Variants in PCCA observed in about 807,000 individuals in gnomAD.
PCCA encodes propionyl-CoA carboxylase subunit alpha.
A neutral mutation model predicts 101.3 loss-of-function variants in PCCA; 74 were observed. That is an observed-to-expected ratio of 0.73 (90% CI 0.61 to 0.89). The LOEUF (loss-of-function observed/expected upper bound fraction) is 0.89, where lower values mean the gene tolerates loss of function less well. PCCA is among the 40% of genes least tolerant of loss of function. The pLI is 0.00. For missense variants in PCCA, 891 were observed against 907.0 expected, an observed-to-expected ratio of 0.98 and a Z score of 0.23; for synonymous variants, 294 against 313.6, an observed-to-expected ratio of 0.94 and a Z score of 0.66.
intron 7 of PCCA, among the ~76,000 whole-genome samples, chr13:100,232,373 T>TGC (rs2152516267): frequency 6.7e-6 from 1 of 150,036 alleles, no homozygotes; most frequent in East Asian, 1.9e-4. Context: ...TGTGTGTGTG[T>TGC]GTGTGTGTGT....
At chr13:100,409,949 G>A (rs913602132) in intron 19 of PCCA, among the ~76,000 whole-genome samples, 7 of 151,448 alleles carry the variant, frequency 4.6e-5, no homozygotes, top group African/African-American at 1.5e-4. Flanking sequence ...TAGTAGAGAC[G>A]GGGTTTCACC....
chr13:100,484,224 T>C (rs1451793312), intron 21 of PCCA, among the ~76,000 whole-genome samples: 2 of 152,168 alleles, frequency 1.3e-5, no homozygotes, highest in Non-Finnish European at 2.9e-5. Context: ...GGTGGTCGTT[T>C]GTGTTTATGA....
intron 7 of PCCA, among the ~76,000 whole-genome samples, chr13:100,230,349 G>T (rs1341341144): frequency 6.6e-6 from 1 of 152,010 alleles, no homozygotes; most frequent in Non-Finnish European, 1.5e-5. Flanking sequence ...TTAGAGATCA[G>T]CCTGGCCAAA....
At chr13:100,117,508 C>T (rs1017410808) in intron 4 of PCCA, among the ~76,000 whole-genome samples, 2 of 151,388 alleles carry the variant, frequency 1.3e-5, no homozygotes, top group Non-Finnish European at 1.5e-5. Flanking sequence ...TCATTCTCAG[C>T]AAACTATCAC....
intron 21 of PCCA, among the ~76,000 whole-genome samples, chr13:100,461,190 A>G (rs1055659803): frequency 6.6e-6 from 1 of 152,258 alleles, no homozygotes; most frequent in African/African-American, 2.4e-5. Context: ...TTGCTACTAT[A>G]GAACAGCAGC....
chr13:100,487,450 A>T (rs990062976), intron 21 of PCCA, among the ~76,000 whole-genome samples: 4 of 152,242 alleles, frequency 2.6e-5, no homozygotes, highest in African/African-American at 7.2e-5. Context: ...TTTACATAGA[A>T]TTCTAAGAAT....
In PCCA at chr13:100,519,083, G is replaced by A. The variant is rs185454854; in HGVS notation, c.2040+3516G>A. Among the ~76,000 whole-genome samples, 433 of 152,280 alleles carry A rather than the reference G, an allele frequency of 2.8e-3. 3 individuals carry two copies. Among genetic ancestry groups the A allele is most frequent in the Admixed American group, 4.2e-3 (65 of 15,302 alleles). On this transcript the variant is annotated intron_variant, in intron 22 of 23. Transcript: ENST00000376285. ...TATCAGAAACAAAACCACCCCATAA[G>A]ATAGTCACCCAAGGAGGCATTTTAA...
At chr13:100,241,783 A>C (rs747896492) in intron 8 of PCCA, among the ~76,000 whole-genome samples, 1 of 152,084 alleles carries the variant, frequency 6.6e-6, no homozygotes, top group Non-Finnish European at 1.5e-5. Context: ...TTATTCATCT[A>C]TTGATGGACA....
At position 100,301,527 on chromosome 13, in the gene PCCA, AG is replaced by A; in HGVS notation, c.1136del (p.Gly379AlafsTer70). On this transcript the variant is annotated frameshift_variant, in exon 13 of 24. Coordinates refer to ENST00000376285, the MANE Select transcript of PCCA (RefSeq NM_000282.4). LOFTEE classifies it high-confidence loss of function. The stretch of plus-strand genomic sequence containing the variant: ...GTCCAGGAAATGATCCGTGTTGCTA[AG>A]GGCTACCCTCTCAGGCACAAACAAG... ...DLVQEMIRVA[K>X]GYPLRHKQAD... 6.2e-7 allele frequency: 1 copy of A among 1,614,064 alleles called. No homozygotes were observed. The highest frequency in any genetic ancestry group is 8.5e-7 in the Non-Finnish European group (1 of 1,179,940).
chr13:100,420,472 C>T (rs773393863), intron 19 of PCCA, among the ~76,000 whole-genome samples: 7 of 151,904 alleles, frequency 4.6e-5, no homozygotes, highest in Non-Finnish European at 7.4e-5. Flanking sequence ...CCCAGCTACA[C>T]GGGAGGCTGA....
chr13:100,448,716 T>G (rs544097031), intron 20 of PCCA, among the ~76,000 whole-genome samples: 14 of 152,374 alleles, frequency 9.2e-5, no homozygotes, highest in African/African-American at 3.4e-4. Context: ...GTTATTTCTT[T>G]CACTACTCTC....
chr13:100,409,225 A>C (rs1022939356), intron 19 of PCCA, among the ~76,000 whole-genome samples: 16 of 152,312 alleles, frequency 1.1e-4, no homozygotes, highest in Admixed American at 3.3e-4. Context: ...CCACCCTCAG[A>C]AATCTCAGGA....
At chr13:100,401,874 AT>A (rs888132448) in intron 19 of PCCA, among the ~76,000 whole-genome samples, 14 of 150,586 alleles carry the variant, frequency 9.3e-5, no homozygotes, top group Non-Finnish European at 1.9e-4. Context: ...TGAATAGATA[AT>A]TTTTTTTTTG....
At chr13:100,140,293 C>T (rs1202625695) in intron 4 of PCCA, among the ~76,000 whole-genome samples, 1 of 152,280 alleles carries the variant, frequency 6.6e-6, no homozygotes, top group African/African-American at 2.4e-5. Context: ...CTTGAGACTG[C>T]AGTTTCACTG....
intron 4 of PCCA, among the ~76,000 whole-genome samples, chr13:100,128,079 G>A (rs547593901): frequency 6.6e-6 from 1 of 152,214 alleles, no homozygotes; most frequent in South Asian, 2.1e-4. Flanking sequence ...TACTGGAAAA[G>A]CACATAATTA....
intron 16 of PCCA, among the ~76,000 whole-genome samples, chr13:100,311,896 C>T (rs757472451): frequency 5.9e-5 from 9 of 152,200 alleles, no homozygotes; most frequent in Admixed American, 4.6e-4. Context: ...ATACTGTGTG[C>T]GGAGGTTATA....
chr13:100,439,564 T>C (rs906832730), intron 20 of PCCA, among the ~76,000 whole-genome samples: 1 of 152,170 alleles, frequency 6.6e-6, no homozygotes, highest in Non-Finnish European at 1.5e-5. Flanking sequence ...GAAGTAATTT[T>C]TTTGACCTTG....
chr13:100,455,848 T>C (rs557153413), intron 21 of PCCA, among the ~76,000 whole-genome samples: 93 of 152,190 alleles, frequency 6.1e-4, no homozygotes, highest in African/African-American at 2.2e-3. Flanking sequence ...TACAGGTGCA[T>C]GCCACCACAC....
intron 1 of PCCA, among the ~76,000 whole-genome samples, chr13:100,094,193 ACTC>A (rs2046549212): frequency 6.7e-6 from 1 of 148,286 alleles, no homozygotes; most frequent in African/African-American, 2.5e-5. Context: ...GCACCACTGC[ACTC>A]CAGCCTGGGC....
Sources: gnomAD v4.1 joint callset for allele counts (sites outside exome capture counted in the v4.1 genomes callset) on GRCh38, gnomAD v4.1.1 for gene constraint, MANE v1.5 for transcripts, NCBI Gene and HGNC (gene_info 2026-07-23, HGNC 2026-07-21) for gene names.